Variants in SPATA17 observed in about 807,000 individuals in gnomAD.
The protein encoded by SPATA17 is spermatogenesis associated 17.
A neutral mutation model predicts 62.2 loss-of-function variants in SPATA17; 53 were observed. The ratio of observed to expected loss-of-function variants is 0.85; its 90% CI spans 0.68 to 1.07. The LOEUF (loss-of-function observed/expected upper bound fraction) is 1.07, where lower values mean the gene tolerates loss of function less well. Ranked by LOEUF, SPATA17 falls within the 50% of genes least tolerant of loss-of-function variation. The pLI, the probability that SPATA17 is intolerant of heterozygous loss-of-function variation, is 0.00. For missense variants in SPATA17, 466 were observed against 425.5 expected (o/e 1.10, Z -0.84); for synonymous variants, 146 against 146.8 (o/e 0.99, Z 0.04).
intron 5 of SPATA17, among the ~76,000 whole-genome samples, chr1:217,688,775 T>C (rs1290876974): frequency 6.6e-6 from 1 of 152,214 alleles, no homozygotes; most frequent in African/African-American, 2.4e-5. Context: ...TTATGCCTTC[T>C]GTCTTATGGT....
chr1:217,793,237 T>TTC, intron 8 of SPATA17, among the ~76,000 whole-genome samples: 1 of 149,406 alleles, frequency 6.7e-6, no homozygotes, highest in South Asian at 2.1e-4. Context: ...TTTTTTTTTT[T>TTC]TGAGACGGAG....
intron 9 of SPATA17, among the ~76,000 whole-genome samples, chr1:217,861,387 T>TTA (rs146592830): frequency 0.11 from 16,290 of 145,298 alleles, 1,213 homozygotes; most frequent in African/African-American, 0.21. Flanking sequence ...AAATAAAATA[T>TTA]TATATATATA....
intron 9 of SPATA17, among the ~76,000 whole-genome samples, chr1:217,811,471 G>A (rs1674585806): frequency 6.6e-6 from 1 of 150,696 alleles, no homozygotes. Context: ...TCTCCTCCCT[G>A]CCTTCCTTAT....
intron 5 of SPATA17, among the ~76,000 whole-genome samples, chr1:217,684,206 T>A (rs1024015508): frequency 6.6e-6 from 1 of 152,212 alleles, no homozygotes; most frequent in Non-Finnish European, 1.5e-5. Flanking sequence ...CTCAGCCAGC[T>A]TTTCCAAAGT....
intron 9 of SPATA17, among the ~76,000 whole-genome samples, chr1:217,833,381 GTGTA>G (rs1394880042): frequency 6.6e-6 from 1 of 152,140 alleles, no homozygotes; most frequent in African/African-American, 2.4e-5. Context: ...ATTCTCTACA[GTGTA>G]ATTATATTCT....
At chr1:217,854,902 T>G (rs1463028547) in intron 9 of SPATA17, among the ~76,000 whole-genome samples, 1 of 152,206 alleles carries the variant, frequency 6.6e-6, no homozygotes, top group African/African-American at 2.4e-5. Flanking sequence ...TAGTCATTCT[T>G]TCAGCTAAAT....
chr1:217,782,642 A>G (rs548342621), intron 8 of SPATA17, among the ~76,000 whole-genome samples: 3 of 152,268 alleles, frequency 2.0e-5, no homozygotes, highest in African/African-American at 7.2e-5. Context: ...AAACGCCTAA[A>G]ATAAGATCCA....
At chr1:217,738,809 G>A (rs895147368) in intron 5 of SPATA17, among the ~76,000 whole-genome samples, 1 of 152,150 alleles carries the variant, frequency 6.6e-6, no homozygotes, top group African/African-American at 2.4e-5. Flanking sequence ...AAAATTAGCT[G>A]GGCGTGGTGG....
At chr1:217,840,208 G>A (rs1675360669) in intron 9 of SPATA17, among the ~76,000 whole-genome samples, 1 of 152,152 alleles carries the variant, frequency 6.6e-6, no homozygotes, top group East Asian at 1.9e-4. Context: ...AAAATAATAA[G>A]CAAAAGACTT....
At chr1:217,768,495 CTT>C (rs1183998775) in intron 6 of SPATA17, among the ~76,000 whole-genome samples, 5 of 142,386 alleles carry the variant, frequency 3.5e-5, no homozygotes, top group Admixed American at 7.1e-5. Flanking sequence ...CTCTACCCAT[CTT>C]TTTTTTTTTT....
intron 5 of SPATA17, among the ~76,000 whole-genome samples, chr1:217,702,032 G>GTATATATATATATA (rs10631525): frequency 1.4e-5 from 2 of 147,794 alleles, no homozygotes; most frequent in Non-Finnish European, 3.0e-5. Flanking sequence ...AAAATTTGGT[G>GTATATATATATATA]TATATATATA....
intron 4 of SPATA17, among the ~76,000 whole-genome samples, chr1:217,674,770 G>C (rs2102900433): frequency 6.6e-6 from 1 of 152,316 alleles, no homozygotes; most frequent in East Asian, 1.9e-4. Flanking sequence ...TGGCTCCAGG[G>C]CTGGTTTGGC....
At chr1:217,722,943 T>C (rs1571758694) in intron 5 of SPATA17, among the ~76,000 whole-genome samples, 1 of 152,144 alleles carries the variant, frequency 6.6e-6, no homozygotes, top group African/African-American at 2.4e-5. Flanking sequence ...CGCACACTCA[T>C]GTACCATTCA....
intron 9 of SPATA17, among the ~76,000 whole-genome samples, chr1:217,823,615 G>T (rs1446991003): frequency 6.6e-6 from 1 of 151,816 alleles, no homozygotes; most frequent in Non-Finnish European, 1.5e-5. Context: ...TCTTCTCAAG[G>T]TCATGTATGC....
At chr1:217,689,274 G>A (rs1263921794) in intron 5 of SPATA17, among the ~76,000 whole-genome samples, 3 of 125,998 alleles carry the variant, frequency 2.4e-5, no homozygotes, top group Non-Finnish European at 4.7e-5. Context: ...CTCCCAGGCT[G>A]GAGTGCAGTG....
chr1:217,749,473 T>G (rs1672847178), intron 6 of SPATA17, among the ~76,000 whole-genome samples: 1 of 152,094 alleles, frequency 6.6e-6, no homozygotes, highest in South Asian at 2.1e-4. Flanking sequence ...TTTTTTTCTA[T>G]TTTCCAAATC....
chr1:217,696,906 A>G (rs185751116), intron 5 of SPATA17, among the ~76,000 whole-genome samples: 1 of 152,288 alleles, frequency 6.6e-6, no homozygotes, highest in African/African-American at 2.4e-5. Flanking sequence ...TCCCACTCCT[A>G]TGCCATCAAA....
At chr1:217,845,652 A>C (rs1675506631) in intron 9 of SPATA17, among the ~76,000 whole-genome samples, 1 of 152,090 alleles carries the variant, frequency 6.6e-6, no homozygotes, top group South Asian at 2.1e-4. Flanking sequence ...TTCTCTTAAA[A>C]AAATGTGCCC....
At chr1:217,735,289 A>G (rs1310993003) in intron 5 of SPATA17, among the ~76,000 whole-genome samples, 1 of 152,246 alleles carries the variant, frequency 6.6e-6, no homozygotes, top group South Asian at 2.1e-4. Context: ...ACAGGTGCCA[A>G]CATATCCATC....
Sources: gnomAD v4.1 joint callset for allele counts (sites outside exome capture counted in the v4.1 genomes callset) on GRCh38, gnomAD v4.1.1 for gene constraint, MANE v1.5 for transcripts, NCBI Gene and HGNC (gene_info 2026-07-23, HGNC 2026-07-21) for gene names.